Variants in MYOM2 observed in about 807,000 individuals in gnomAD.
The protein encoded by MYOM2 is myomesin-2.
A neutral mutation model predicts 187.6 loss-of-function variants in MYOM2; 254 were observed. The ratio of observed to expected loss-of-function variants is 1.35; its 90% CI spans 1.22 to 1.50. MYOM2 has a LOEUF of 1.50. Ranked by LOEUF, MYOM2 falls within the 40% of genes most tolerant of loss-of-function variation. MYOM2 has a pLI of 0.00. For synonymous variants in MYOM2, 981 were observed against 753.8 expected (o/e 1.30, Z -4.94); for missense variants, 2,796 against 1,924.0 (o/e 1.45, Z -8.48).
chr8:2,104,744 A>T (rs35064592), intron 21 of MYOM2, among the ~76,000 whole-genome samples: 1 of 151,926 alleles, frequency 6.6e-6, no homozygotes, highest in African/African-American at 2.4e-5. Flanking sequence ...GCCCCACAAC[A>T]TGGTAGAGAA....
rs141291551 is a variant in MYOM2, at chr8:2,140,672, C to T, written c.3801-51C>T. 8.3e-5 allele frequency: 131 copies of T among 1,583,556 alleles called. 1 individual carries two copies. In the South Asian group the frequency reaches 8.5e-4, roughly 10 times the overall value. On this transcript the variant is annotated intron_variant, in intron 32 of 36. Transcript: ENST00000262113. The stretch of plus-strand genomic sequence containing the variant: ...GGGACATTGCCCTGTAGACATTGTG[C>T]GTGTGACATGGAGACCCTAACTCAG...
intron 25 of MYOM2, among the ~76,000 whole-genome samples, 186 bp from the exon 26 acceptor site, chr8:2,115,774 A>T (rs914230463): frequency 5.3e-5 from 8 of 152,206 alleles, no homozygotes; most frequent in Non-Finnish European, 1.2e-4. Flanking sequence ...TTTGTCACTG[A>T]GTGACAGCTC....
At chr8:2,113,613 C>G (rs1401701881) in intron 25 of MYOM2, among the ~76,000 whole-genome samples, 2 of 152,196 alleles carry the variant, frequency 1.3e-5, no homozygotes, top group Admixed American at 6.5e-5. Flanking sequence ...TTCATAGTTT[C>G]AGCCGATGAC....
intron 13 of MYOM2, among the ~76,000 whole-genome samples, chr8:2,081,078 C>T (rs983465184): frequency 2.5e-5 from 3 of 118,208 alleles, no homozygotes; most frequent in African/African-American, 1.1e-4. Context: ...TTCTGATCTG[C>T]GGGAGGAACA....
rs61732780 is a variant in MYOM2, at chr8:2,123,269, A to G, written c.3471A>G (p.Lys1157=). The G allele has an allele frequency of 1.2e-3, 2,008 of 1,613,096 alleles. 27 individuals carry two copies. The African/African-American group carries it at 0.024, about 19-fold the overall frequency. The change falls in exon 29 of 37, where the codon AAA becomes AAG. Residue 1157 remains lysine (K), a synonymous_variant. Coordinates refer to ENST00000262113, the MANE Select transcript of MYOM2 (RefSeq NM_003970.4). ...CCTCACAGGTTGCAAACACCAAGAA[A>G]GAAACCGTTTTCAAATGGCTCAAGG... The part of the protein sequence containing the change: ...RLVCKVANTK[K]ETVFKWLKDD...
Position 2,103,500 on chromosome 8 carries a change from ATGAG to A in MYOM2, c.2734+722_2734+725del, listed in dbSNP as rs1171926429. On this transcript the variant is annotated intron_variant, in intron 21 of 36. Transcript: ENST00000262113. ...TATGTATGGATGGGTATATGAATAA[ATGAG>A]TGGGAGAGTGTGCATGTATTCTGTG... Among the ~76,000 whole-genome samples the A allele has an allele frequency of 2.0e-5, 3 of 149,430 alleles. No homozygotes were observed. The East Asian group carries it at 6.1e-4, about 31-fold the overall frequency.
chr8:2,059,146 C>T lies in MYOM2; in HGVS notation c.561-7C>T, dbSNP rs1818769412. On this transcript the variant is annotated splice_polypyrimidine_tract_variant and splice_region_variant and intron_variant, in intron 5 of 36. Coordinates refer to ENST00000262113, the MANE Select transcript of MYOM2 (RefSeq NM_003970.4). ...CTTTAAACTAAAAACATGCCTCCCT[C>T]ATTTAGGTACAAAGATGGCAGTCTG... 1.2e-6 allele frequency: 2 copies of T among 1,613,328 alleles called. No individual in the cohort carries two copies. Among genetic ancestry groups the T allele is most frequent in the South Asian group, 1.1e-5 (1 of 91,058 alleles).
chr8:2,078,726 A>T lies in MYOM2; in HGVS notation c.1263-8A>T, dbSNP rs1585863574. 1.9e-6 allele frequency: 3 copies of T among 1,613,816 alleles called. No individual in the cohort carries two copies. Among genetic ancestry groups the T allele is most frequent in the Middle Eastern group, 1.7e-4 (1 of 6,058 alleles). The stretch of plus-strand genomic sequence containing the variant: ...ATTCTCTGTTGTTTTTCTTTTTTTA[A>T]CTTGAAGATGTGAAGTAGGAACGAA... On this transcript the variant is annotated splice_polypyrimidine_tract_variant and splice_region_variant and intron_variant, in intron 11 of 36. Transcript: ENST00000262113.
chr8:2,047,709 C>G (rs985369081), intron 1 of MYOM2, among the ~76,000 whole-genome samples: 1 of 152,110 alleles, frequency 6.6e-6, no homozygotes, highest in African/African-American at 2.4e-5. Flanking sequence ...GGCAAAGTGC[C>G]CTGTTACCCC....
In MYOM2 at chr8:2,090,027, G is replaced by T; in HGVS notation, c.1664G>T (p.Ser555Ile). Residue 555 changes from serine to isoleucine, a missense_variant, in exon 15 of 37, where the codon AGC (serine) becomes ATC (isoleucine). Transcript: ENST00000262113. The part of the protein sequence containing the change: ...FIEKSVVGSG[S>I]WQRVNAQTAV... ...TTGTAGTCCGTGGTGGGGAGCGGCAGCTGGCAGAGAGTCAACGCCCAGACG... is the reference window on the plus strand; with the variant it reads ...TTGTAGTCCGTGGTGGGGAGCGGCATCTGGCAGAGAGTCAACGCCCAGACG... The T allele has an allele frequency of 6.2e-7, 1 of 1,613,896 alleles. No individual in the cohort carries two copies. Among genetic ancestry groups the T allele is most frequent in the African/African-American group, 1.3e-5 (1 of 75,016 alleles).
chr8:2,136,714 T>A (rs1329628228), intron 32 of MYOM2, among the ~76,000 whole-genome samples: 1 of 152,216 alleles, frequency 6.6e-6, no homozygotes, highest in Non-Finnish European at 1.5e-5. Flanking sequence ...CATTTACAGC[T>A]ATTTTATGAA....
rs1585982646 is a variant in MYOM2, at chr8:2,141,327, T to C, written c.4001+150T>C. ...AAGTGGGAATTTAAGCAATGCAGTA[T>C]ATGGAGGGGTGGGCATTCTCCTAAA... On this transcript the variant is annotated intron_variant, in intron 34 of 36. Transcript: ENST00000262113. The C allele has an allele frequency of 1.7e-5, 10 of 602,336 alleles. 1 individual carries two copies. Among genetic ancestry groups the C allele is most frequent in the Middle Eastern group, 2.6e-4 (1 of 3,792 alleles). 37.3% of individuals were successfully genotyped at this position (602,336 alleles called of 1,614,324 possible). A position where few individuals can be genotyped will look rare whatever the true frequency, so the allele number is the denominator to read the frequency against.
At chr8:2,102,064 G>C (rs780922227) in intron 20 of MYOM2, 1 of 152,292 alleles carries the variant, frequency 6.6e-6, no homozygotes, top group African/African-American at 2.4e-5. Flanking sequence ...GCACAGCCAC[G>C]TCTGGGTCCG....
chr8:2,086,288 C>T lies in MYOM2; in HGVS notation c.1644+898C>T, dbSNP rs1395329921. Among the ~76,000 whole-genome samples the T allele has an allele frequency of 4.8e-4, 58 of 119,610 alleles. 4 individuals are homozygous for T. The highest frequency in any genetic ancestry group is 7.2e-4 in the African/African-American group (23 of 31,728). The allele number at this position is 119,610 out of a possible 152,430, so 78.5% of individuals were successfully genotyped here. A position where few individuals can be genotyped will look rare whatever the true frequency, so the allele number is the denominator to read the frequency against. On this transcript the variant is annotated intron_variant, in intron 14 of 36. Coordinates refer to ENST00000262113, the MANE Select transcript of MYOM2 (RefSeq NM_003970.4). ...GTCATGATCTCTGGCACCCCACTGT[C>T]GTGATCTCCGCGTGGCCCCCCACAG...
rs1224404051 is a variant in MYOM2, at chr8:2,069,489, C to T, written c.785C>T (p.Pro262Leu). Residue 262 changes from proline (P) to leucine (L), a missense_variant, in exon 8 of 37, where the codon CCG becomes CTG. Transcript: ENST00000262113. Reference sequence around the variant, plus strand: ...GAACCATTCCGTTCGGTGGGACTCCCGATTGGATGTAAGTGGGTTTTTGTT... The same window carrying T: ...GAACCATTCCGTTCGGTGGGACTCCTGATTGGATGTAAGTGGGTTTTTGTT... ...DEEPFRSVGL[P>L]IGLPLSSMIP... is the part of the protein sequence containing the mutation. 15 of 1,614,072 alleles carry T rather than the reference C, an allele frequency of 9.3e-6. No individual in the cohort carries two copies. Among genetic ancestry groups the T allele is most frequent in the Admixed American group, 1.7e-5 (1 of 60,020 alleles).
In MYOM2 at chr8:2,072,278, A is replaced by G. The variant is rs1333682741; in HGVS notation, c.794-67A>G. 5.4e-5 allele frequency: 61 copies of G among 1,132,362 alleles called. 1 individual carries two copies. Among genetic ancestry groups the G allele is most frequent in the Non-Finnish European group, 7.1e-5 (60 of 846,036 alleles). The allele number at this position is 1,132,362 out of a possible 1,614,324, so 70.1% of individuals were successfully genotyped here. On this transcript the variant is annotated intron_variant, in intron 8 of 36. Coordinates refer to ENST00000262113, the MANE Select transcript of MYOM2 (RefSeq NM_003970.4). ...GAAAGATGCTCTCTGCCCTTCGGCC[A>G]TGAAAGCCTCCATCGTTTCATGCTC...
At chr8:2,098,614 G>C (rs1366044841) in intron 18 of MYOM2, among the ~76,000 whole-genome samples, 1 of 152,204 alleles carries the variant, frequency 6.6e-6, no homozygotes, top group African/African-American at 2.4e-5. Context: ...GAGTGGGATT[G>C]AGTGAAGGAC....
chr8:2,059,329 G>A (rs561481803), intron 6 of MYOM2, 84 bp downstream of exon 6: 1 of 1,233,458 alleles, frequency 8.1e-7, no homozygotes, highest in African/African-American at 1.5e-5. Flanking sequence ...TGGGTAACTG[G>A]AGGCCAAATC....
At chr8:2,128,889 C>G (rs1410824780) in intron 31 of MYOM2, among the ~76,000 whole-genome samples, 1 of 152,188 alleles carries the variant, frequency 6.6e-6, no homozygotes, top group Non-Finnish European at 1.5e-5. Context: ...AGTTCTATAT[C>G]TTTTACAGTA....
Sources: gnomAD v4.1 joint callset for allele counts (sites outside exome capture counted in the v4.1 genomes callset) on GRCh38, gnomAD v4.1.1 for gene constraint, MANE v1.5 for transcripts, NCBI Gene and HGNC (gene_info 2026-07-23, HGNC 2026-07-21) for gene names.